USP46: variants seen among roughly 807,000 people sequenced by gnomAD.
The protein encoded by USP46 is ubiquitin specific peptidase 46, also known as ubiquitin carboxyl-terminal hydrolase 46.
A neutral mutation model predicts 44.4 loss-of-function variants in USP46; 12 were observed. That is an observed-to-expected ratio of 0.27 (90% confidence interval 0.17 to 0.44). USP46 has a LOEUF of 0.44. Ranked by LOEUF, USP46 falls within the 20% of genes least tolerant of loss-of-function variation. The pLI is 1.00. For synonymous variants in USP46, 155 were observed against 161.5 expected (o/e 0.96, Z 0.31); for missense variants, 248 against 444.8 (o/e 0.56, Z 3.98).
intron 5 of USP46, among the ~76,000 whole-genome samples, chr4:52,606,372 GAA>G (rs1283097515): frequency 6.6e-6 from 1 of 152,162 alleles, no homozygotes; most frequent in South Asian, 2.1e-4. Flanking sequence ...AATTTATAAA[GAA>G]AAAGAGGTTT....
intron 1 of USP46, chr4:52,656,493 C>T (rs996345594): frequency 1.4e-6 from 2 of 1,450,908 alleles, no homozygotes; most frequent in African/African-American, 2.8e-5. Context: ...CTCCAGCCTT[C>T]CTATACATGG....
intron 1 of USP46, among the ~76,000 whole-genome samples, chr4:52,638,819 G>T (rs1013214243): frequency 2.6e-5 from 4 of 151,846 alleles, no homozygotes; most frequent in Non-Finnish European, 5.9e-5. Context: ...GGGCTGTCTG[G>T]GTAGCTTCCA....
At chr4:52,652,207 T>C (rs1173452380) in intron 1 of USP46, among the ~76,000 whole-genome samples, 1 of 152,112 alleles carries the variant, frequency 6.6e-6, no homozygotes, top group Non-Finnish European at 1.5e-5. Context: ...GTCACACCCA[T>C]CAGACTGGCA....
intron 5 of USP46, among the ~76,000 whole-genome samples, chr4:52,609,638 T>TAGC (rs1404923683): frequency 1.3e-5 from 2 of 152,118 alleles, no homozygotes; most frequent in East Asian, 3.9e-4. Context: ...AGGGCAGGTA[T>TAGC]AGCCGAGTTG....
chr4:52,655,726 C>T lies in USP46; in HGVS notation c.36+3389G>A, dbSNP rs894156674. Among the ~76,000 whole-genome samples the T allele has an allele frequency of 2.0e-5, 3 of 152,218 alleles. No individual in the cohort carries two copies. The South Asian group carries it at 6.2e-4, about 31-fold the overall frequency. ...CAACACACCAGCCAAACAAGCTTTA[C>T]TATCTCTGAACCACACACTGCTGTG... is the stretch of plus-strand genomic sequence containing the variant. On this transcript the variant is annotated intron_variant, in intron 1 of 8. Transcript: ENST00000441222.
chr4:52,632,983 A>AGAAAGAAAGAAAGAAAGAAAGAAG (rs1560406138), intron 1 of USP46, among the ~76,000 whole-genome samples: 1 of 92,742 alleles, frequency 1.1e-5, no homozygotes, highest in Non-Finnish European at 2.0e-5. Context: ...AAAGAAAGAA[A>AGAAAGAAAGAAAGAAAGAAAGAAG]GAAAAGAAAA....
chr4:52,626,225 C>T lies in USP46; in HGVS notation c.354G>A (p.Gln118=). 1.9e-6 allele frequency: 3 copies of T among 1,613,090 alleles called. No homozygotes were observed. The East Asian group carries it at 6.7e-5, about 36-fold the overall frequency. ...KENDLFDNYM[Q]QDAHEFLNYL... ...AATTTAAAAATTCATGAGCATCCTGCTGCATGTAGTTATCAAAGAGATCTG... is the reference window on the plus strand; with the variant it reads ...AATTTAAAAATTCATGAGCATCCTGTTGCATGTAGTTATCAAAGAGATCTG... Residue 118 remains glutamine (Q), a synonymous_variant, in exon 4 of 9, where the codon CAG becomes CAA. Coordinates refer to ENST00000441222, the MANE Select transcript of USP46 (RefSeq NM_022832.4).
At chr4:52,616,940 C>T (rs1717175358) in intron 4 of USP46, among the ~76,000 whole-genome samples, 1 of 152,058 alleles carries the variant, frequency 6.6e-6, no homozygotes, top group Admixed American at 6.5e-5. Context: ...CCAAAGAAAA[C>T]ATACCATCAA....
chr4:52,632,964 G>GAAAAGA (rs1364198378), intron 1 of USP46, among the ~76,000 whole-genome samples: 1 of 74,682 alleles, frequency 1.3e-5, no homozygotes, highest in Admixed American at 1.4e-4. Flanking sequence ...AAGAAAGAAA[G>GAAAAGA]AAAGAAAGAA....
chr4:52,642,388 C>A lies in USP46; in HGVS notation c.37-11244G>T, dbSNP rs528529350. Among the ~76,000 whole-genome samples, 4 of 152,312 alleles carry A rather than the reference C, an allele frequency of 2.6e-5. No individual in the cohort carries two copies. In the South Asian group the frequency reaches 8.3e-4, roughly 32 times the overall value. ...CAGGGAACTATTCAAGTTCACACAG[C>A]TACTAAGTACTGGAATTGGGTTTGA... is the stretch of plus-strand genomic sequence containing the variant. On this transcript the variant is annotated intron_variant, in intron 1 of 8. Coordinates refer to ENST00000441222, the MANE Select transcript of USP46 (RefSeq NM_022832.4).
intron 1 of USP46, among the ~76,000 whole-genome samples, chr4:52,651,552 G>A (rs889232102): frequency 6.6e-6 from 1 of 152,118 alleles, no homozygotes; most frequent in Non-Finnish European, 1.5e-5. Flanking sequence ...ATTTAAGACA[G>A]TAATTCCACC....
rs1361834656 is a variant in USP46, at chr4:52,609,049, ATCTTTC to A, written c.638+1486_638+1491del. On this transcript the variant is annotated intron_variant, in intron 5 of 8. Coordinates refer to ENST00000441222, the MANE Select transcript of USP46 (RefSeq NM_022832.4). ...CCTAAACTTTTCACAAGGAAAAAAC[ATCTTTC>A]TTTCTCAGTATTCTCCTATGACACA... Among the ~76,000 whole-genome samples the A allele has an allele frequency of 2.0e-5, 3 of 152,214 alleles. No homozygotes were observed. In the East Asian group the frequency reaches 5.8e-4, roughly 29 times the overall value.
intron 1 of USP46, among the ~76,000 whole-genome samples, chr4:52,655,141 T>C (rs1316309289): frequency 6.6e-6 from 1 of 152,228 alleles, no homozygotes; most frequent in African/African-American, 2.4e-5. Flanking sequence ...AAATGTCCTG[T>C]TGTGTTAATC....
intron 1 of USP46, among the ~76,000 whole-genome samples, chr4:52,633,559 T>TA (rs1435229079): frequency 6.6e-6 from 1 of 152,188 alleles, no homozygotes; most frequent in Non-Finnish European, 1.5e-5. Flanking sequence ...GCATATTAAA[T>TA]ATACCCCCAT....
chr4:52,658,784 C>G (rs375509202), intron 1 of USP46, among the ~76,000 whole-genome samples: 56 of 152,230 alleles, frequency 3.7e-4, no homozygotes, highest in African/African-American at 1.1e-3. Context: ...TATCCCCCAC[C>G]CCCTCCCCGG....
At chr4:52,603,660 TCTAA>T (rs1185203346) in intron 6 of USP46, among the ~76,000 whole-genome samples, 2 of 152,122 alleles carry the variant, frequency 1.3e-5, no homozygotes, top group Non-Finnish European at 2.9e-5. Context: ...GCAATAACTT[TCTAA>T]CTTTCTTATC....
chr4:52,656,642 A>G, intron 1 of USP46: 1 of 1,100,512 alleles, frequency 9.1e-7, no homozygotes, highest in South Asian at 3.1e-5. Context: ...GCCATGTACC[A>G]GGCCCTGTGC....
At chr4:52,634,509 CAA>C (rs1167932000) in intron 1 of USP46, among the ~76,000 whole-genome samples, 35 of 66,950 alleles carry the variant, frequency 5.2e-4, no homozygotes, top group Non-Finnish European at 6.1e-4. Context: ...GACTTTGTCT[CAA>C]AAAAAAAAAA....
chr4:52,630,157 C>A (rs1391131498), intron 2 of USP46, among the ~76,000 whole-genome samples: 1 of 152,090 alleles, frequency 6.6e-6, no homozygotes, highest in South Asian at 2.1e-4. Context: ...GAGGGCACAC[C>A]GCCTCTACCG....
Sources: allele counts gnomAD v4.1 joint callset (sites outside exome capture counted in the v4.1 genomes callset), GRCh38; gene constraint gnomAD v4.1.1; transcripts MANE v1.5; gene names NCBI Gene and HGNC (gene_info 2026-07-23, HGNC 2026-07-21).